DLG2: variants seen among roughly 807,000 people sequenced by gnomAD.
DLG2 encodes discs large MAGUK scaffold protein 2, also known as disks large homolog 2.
In DLG2, 45 loss-of-function variants were observed where a neutral mutation model predicts 132.5. That is an observed-to-expected ratio of 0.34 (90% CI 0.27 to 0.44). The LOEUF (loss-of-function observed/expected upper bound fraction) is 0.44. Among genes scored for constraint, DLG2 ranks in the 20% least tolerant of loss-of-function variants. The probability of loss-of-function intolerance (pLI) is 1.00; values close to 1 mark genes in which losing one functional copy is unlikely to be tolerated. For missense variants in DLG2, 1,045 were observed against 1,196.9 expected, an observed-to-expected ratio of 0.87 and a Z score of 1.87; for synonymous variants, 424 against 419.6, an observed-to-expected ratio of 1.01 and a Z score of -0.13.
chr11:85,126,505 A>T (rs1444358546), intron 5 of DLG2, among the ~76,000 whole-genome samples: 1 of 152,214 alleles, frequency 6.6e-6, no homozygotes, highest in Non-Finnish European at 1.5e-5. Context: ...TTATTAAGAC[A>T]GTCATAGAAT....
intron 6 of DLG2, among the ~76,000 whole-genome samples, chr11:84,861,601 A>C: frequency 7.0e-6 from 1 of 143,874 alleles, no homozygotes; most frequent in African/African-American, 2.6e-5. Context: ...TAATTAAACT[A>C]AAGAGCTTCT....
intron 16 of DLG2, among the ~76,000 whole-genome samples, chr11:83,867,954 A>G (rs1175903497): frequency 2.0e-5 from 3 of 152,174 alleles, no homozygotes; most frequent in Non-Finnish European, 4.4e-5. Flanking sequence ...TTACGGAGTA[A>G]GGAAATGGAA....
chr11:84,293,732 T>C (rs527896237), intron 7 of DLG2, among the ~76,000 whole-genome samples: 1 of 152,254 alleles, frequency 6.6e-6, no homozygotes, highest in African/African-American at 2.4e-5. Context: ...GGTAAAAACT[T>C]CATATAATGA....
At chr11:84,705,119 A>C (rs956410161) in intron 6 of DLG2, among the ~76,000 whole-genome samples, 1 of 151,626 alleles carries the variant, frequency 6.6e-6, no homozygotes, top group Non-Finnish European at 1.5e-5. Flanking sequence ...AAAGGGAATG[A>C]AGCATTCAAA....
chr11:85,397,112 G>A (rs2087467771), intron 3 of DLG2, among the ~76,000 whole-genome samples: 1 of 152,154 alleles, frequency 6.6e-6, no homozygotes. Context: ...GAAGAGAGCA[G>A]GGGCCAATAT....
chr11:85,053,745 C>T (rs1001649955), intron 6 of DLG2, among the ~76,000 whole-genome samples: 6 of 141,244 alleles, frequency 4.2e-5, no homozygotes, highest in African/African-American at 8.0e-5. Context: ...GAGCTTGAAC[C>T]GAGATGGTGC....
intron 6 of DLG2, among the ~76,000 whole-genome samples, chr11:84,968,789 C>A (rs1483767503): frequency 6.6e-6 from 1 of 152,014 alleles, no homozygotes; most frequent in Non-Finnish European, 1.5e-5. Flanking sequence ...TTATGGCTAC[C>A]CAACATGTTA....
At chr11:85,450,292 CAT>C (rs1491443012) in intron 3 of DLG2, among the ~76,000 whole-genome samples, 1 of 152,158 alleles carries the variant, frequency 6.6e-6, no homozygotes, top group Non-Finnish European at 1.5e-5. Flanking sequence ...GACAGGGAGA[CAT>C]TTTTTTTCAC....
chr11:84,479,360 T>C (rs571067675), intron 7 of DLG2, among the ~76,000 whole-genome samples: 1 of 152,238 alleles, frequency 6.6e-6, no homozygotes, highest in Admixed American at 6.5e-5. Flanking sequence ...AGGCTCTGTC[T>C]AATATACCTT....
intron 3 of DLG2, among the ~76,000 whole-genome samples, chr11:85,429,731 C>G (rs1478556523): frequency 2.0e-5 from 3 of 152,108 alleles, no homozygotes; most frequent in Admixed American, 1.3e-4. Context: ...AGGATGTGGA[C>G]AAATGGGAAC....
intron 6 of DLG2, among the ~76,000 whole-genome samples, chr11:84,640,884 G>A (rs1410612011): frequency 6.7e-6 from 1 of 149,858 alleles, no homozygotes; most frequent in East Asian, 2.0e-4. Context: ...AGGTTGCAGT[G>A]AGCTGCGATC....
At chr11:84,080,074 C>T (rs896624965) in intron 10 of DLG2, among the ~76,000 whole-genome samples, 1 of 152,130 alleles carries the variant, frequency 6.6e-6, no homozygotes, top group Non-Finnish European at 1.5e-5. Context: ...GGTTGATTAC[C>T]GTGTTGGGTT....
At chr11:84,721,118 A>G (rs2061785411) in intron 6 of DLG2, among the ~76,000 whole-genome samples, 1 of 152,044 alleles carries the variant, frequency 6.6e-6, no homozygotes, top group African/African-American at 2.4e-5. Context: ...ACCCGAGGGT[A>G]GAAGACCTCC....
intron 7 of DLG2, among the ~76,000 whole-genome samples, chr11:84,378,954 T>C (rs2098739927): frequency 6.8e-6 from 1 of 146,618 alleles, no homozygotes; most frequent in Non-Finnish European, 1.5e-5. Flanking sequence ...CAAAAACATC[T>C]CAAAAACAAA....
At chr11:84,598,565 T>C (rs943414271) in intron 6 of DLG2, among the ~76,000 whole-genome samples, 1 of 152,122 alleles carries the variant, frequency 6.6e-6, no homozygotes, top group East Asian at 1.9e-4. Flanking sequence ...TAAACTATAT[T>C]GAAAATATCA....
intron 6 of DLG2, among the ~76,000 whole-genome samples, chr11:84,660,130 T>C (rs777610224): frequency 3.9e-5 from 6 of 152,058 alleles, no homozygotes; most frequent in African/African-American, 1.2e-4. Flanking sequence ...GGAGACAGAA[T>C]TGATACCACA....
chr11:85,549,460 T>C (rs2076533789), intron 3 of DLG2, among the ~76,000 whole-genome samples: 1 of 152,208 alleles, frequency 6.6e-6, no homozygotes, highest in African/African-American at 2.4e-5. Context: ...CTTTATACTT[T>C]TCGATAATGT....
At chr11:84,664,360 T>C (rs2099697801) in intron 6 of DLG2, among the ~76,000 whole-genome samples, 1 of 152,128 alleles carries the variant, frequency 6.6e-6, no homozygotes, top group African/African-American at 2.4e-5. Context: ...TTCAAATGAC[T>C]TAATTACAAA....
At chr11:84,466,244 G>A (rs2099094031) in intron 7 of DLG2, among the ~76,000 whole-genome samples, 1 of 151,050 alleles carries the variant, frequency 6.6e-6, no homozygotes, top group African/African-American at 2.4e-5. Context: ...GAAGAAAAGA[G>A]GAAAACATGA....
Sources: allele counts gnomAD v4.1 joint callset (sites outside exome capture counted in the v4.1 genomes callset), GRCh38; gene constraint gnomAD v4.1.1; transcripts MANE v1.5; gene names NCBI Gene and HGNC (gene_info 2026-07-23, HGNC 2026-07-21).